Variants in TMEM71 observed in about 807,000 individuals in gnomAD.
TMEM71 encodes transmembrane protein 71.
TMEM71 carries 44 observed loss-of-function variants against 38.0 expected under a neutral mutation model. That is an observed-to-expected ratio of 1.16 (90% CI 0.91 to 1.49). The LOEUF (loss-of-function observed/expected upper bound fraction) is 1.49. TMEM71 is among the 40% of genes most tolerant of loss of function. The pLI is 0.00. For missense variants in TMEM71, 367 were observed against 348.6 expected (o/e 1.05, Z -0.42); for synonymous variants, 133 against 122.5 (o/e 1.09, Z -0.56).
chr8:132,755,366 G>C (rs1446908477), intron 3 of TMEM71, among the ~76,000 whole-genome samples: 1 of 152,166 alleles, frequency 6.6e-6, no homozygotes. Context: ...TCTAGATCTT[G>C]ACTCTTGCTT....
chr8:132,729,738 G>A (rs1351451458), intron 5 of TMEM71, among the ~76,000 whole-genome samples: 1 of 152,066 alleles, frequency 6.6e-6, no homozygotes, highest in African/African-American at 2.4e-5. Flanking sequence ...AATGACATTA[G>A]GGACAGAAAA....
At chr8:132,713,329 A>G (rs1826335489) in intron 9 of TMEM71, among the ~76,000 whole-genome samples, 1 of 152,102 alleles carries the variant, frequency 6.6e-6, no homozygotes, top group Admixed American at 6.5e-5. Flanking sequence ...ATCCTAACCA[A>G]AATAAATTTT....
intron 7 of TMEM71, among the ~76,000 whole-genome samples, chr8:132,717,513 G>T (rs976160482): frequency 2.0e-5 from 3 of 152,154 alleles, no homozygotes; most frequent in Non-Finnish European, 2.9e-5. Flanking sequence ...TTATCCATCA[G>T]GGAAATGCAA....
intron 5 of TMEM71, among the ~76,000 whole-genome samples, chr8:132,734,986 T>C (rs1362140681): frequency 6.6e-6 from 1 of 152,222 alleles, no homozygotes; most frequent in Admixed American, 6.5e-5. Context: ...ATCTCAAAGA[T>C]ATTTATGTGA....
In TMEM71 at chr8:132,737,571, G is replaced by A. The variant is rs369160851; in HGVS notation, c.487+9371C>T. Among the ~76,000 whole-genome samples, 4 of 152,180 alleles carry A rather than the reference G, an allele frequency of 2.6e-5. No homozygotes were observed. In the South Asian group the frequency reaches 6.2e-4, roughly 24 times the overall value. On this transcript the variant is annotated intron_variant, in intron 5 of 9. Transcript: ENST00000677595. ...TTTTCTCTTCAAATCCTGGCTATGC[G>A]ACTTCTTACCTGTGTGGCCTCATAT... is the stretch of plus-strand genomic sequence containing the variant.
intron 4 of TMEM71, among the ~76,000 whole-genome samples, chr8:132,748,105 G>A (rs377119287): frequency 6.6e-6 from 1 of 152,240 alleles, no homozygotes; most frequent in African/African-American, 2.4e-5. Context: ...TGAACCAAAG[G>A]TAATGCAAGG....
chr8:132,722,567 T>A (rs1348660369), intron 6 of TMEM71, among the ~76,000 whole-genome samples: 24 of 152,218 alleles, frequency 1.6e-4, no homozygotes, highest in Non-Finnish European at 1.9e-4. Flanking sequence ...ATTATCTTAG[T>A]TCTGCAAAGA....
At chr8:132,709,864 GTCT>G (rs1197145576), downstream of TMEM71, 2 of 151,790 alleles carry the variant, frequency 1.3e-5, no homozygotes, top group Non-Finnish European at 2.9e-5. Flanking sequence ...AAATAATACA[GTCT>G]TCAATGAATG....
At chr8:132,771,881 G>T in the TMEM71 span, among the ~76,000 whole-genome samples, 1 of 152,102 alleles carries the variant, frequency 6.6e-6, no homozygotes, top group Non-Finnish European at 1.5e-5. Flanking sequence ...TATAATTTCT[G>T]TTCAGTTGAT....
At chr8:132,770,680 C>T in the TMEM71 span, among the ~76,000 whole-genome samples, 4 of 152,344 alleles carry the variant, frequency 2.6e-5, no homozygotes, top group East Asian at 1.9e-4. Flanking sequence ...CTTCTATTAA[C>T]TCCCCAAACT....
chr8:132,717,978 G>T (rs531465824), intron 7 of TMEM71, among the ~76,000 whole-genome samples: 9 of 152,302 alleles, frequency 5.9e-5, no homozygotes, highest in Admixed American at 5.9e-4. Flanking sequence ...TGCTACATAA[G>T]TCATACCAGA....
intron 5 of TMEM71, 25 bp downstream of exon 5, chr8:132,746,917 T>C (rs370777257): frequency 6.5e-7 from 1 of 1,535,874 alleles, no homozygotes. Context: ...AAAATTTTAC[T>C]ATGGAAAGGA....
intron 3 of TMEM71, among the ~76,000 whole-genome samples, chr8:132,756,411 T>TATTA (rs1554619985): frequency 0.017 from 1,997 of 115,678 alleles, 21 homozygotes; most frequent in African/African-American, 0.04. Flanking sequence ...AACATATATA[T>TATTA]TATATATATA....
At chr8:132,707,642 G>C (rs1826112783), downstream of TMEM71, among the ~76,000 whole-genome samples, 1 of 152,122 alleles carries the variant, frequency 6.6e-6, no homozygotes, top group Non-Finnish European at 1.5e-5. Context: ...GAAGGCTCTT[G>C]CCAGATGCCA....
chr8:132,750,717 G>C (rs76523434), intron 4 of TMEM71, among the ~76,000 whole-genome samples: 2,327 of 152,248 alleles, frequency 0.015, 56 homozygotes, highest in African/African-American at 0.052. Flanking sequence ...AAATGAATGT[G>C]ATTATCCCAA....
chr8:132,744,541 A>G (rs1411806003), intron 5 of TMEM71, among the ~76,000 whole-genome samples: 1 of 152,250 alleles, frequency 6.6e-6, no homozygotes, highest in Non-Finnish European at 1.5e-5. Context: ...AGTGACACAA[A>G]TAAATGGAAA....
Position 132,752,830 on chromosome 8 carries a change from AG to A in TMEM71, c.102-834del, listed in dbSNP as rs1828793903. ...AAGAAAGGAAGAAGGGAAGGAAGAA[AG>A]GAAGGAAGGAAGGAAGGAAGGAAGG... On this transcript the variant is annotated intron_variant, in intron 3 of 9. Transcript: ENST00000677595. Among the ~76,000 whole-genome samples the A allele has an allele frequency of 4.2e-4, 7 of 16,494 alleles. No homozygotes were observed. In the South Asian group the frequency reaches 0.012, roughly 29 times the overall value. 10.8% of individuals were successfully genotyped at this position (16,494 alleles called of 152,430 possible).
At chr8:132,775,817 A>AC in the TMEM71 span, among the ~76,000 whole-genome samples, 1 of 135,598 alleles carries the variant, frequency 7.4e-6, no homozygotes, top group Admixed American at 7.3e-5. Context: ...TCCCTTCCTT[A>AC]CCCCCCTGCG....
chr8:132,762,505 CAT>C (rs1829315463), upstream of TMEM71, among the ~76,000 whole-genome samples: 1 of 151,752 alleles, frequency 6.6e-6, no homozygotes, highest in Non-Finnish European at 1.5e-5. Flanking sequence ...AGATCTGGCA[CAT>C]ATTAGAACCT....
Sources: gnomAD v4.1 joint callset for allele counts (sites outside exome capture counted in the v4.1 genomes callset) on GRCh38, gnomAD v4.1.1 for gene constraint, MANE v1.5 for transcripts, NCBI Gene and HGNC (gene_info 2026-07-23, HGNC 2026-07-21) for gene names.